SLC25A37: variants seen among roughly 807,000 people sequenced by gnomAD.
The protein encoded by SLC25A37 is solute carrier family 25 member 37, also known as mitoferrin-1.
Under a neutral mutation model 31.0 loss-of-function variants are expected in SLC25A37, and 17 were observed. The ratio of observed to expected loss-of-function variants is 0.55; its 90% CI spans 0.38 to 0.82. The LOEUF (loss-of-function observed/expected upper bound fraction) is 0.82, where lower values mean the gene tolerates loss of function less well. SLC25A37 is among the 40% of genes least tolerant of loss of function. SLC25A37 has a pLI of 0.00. For missense variants in SLC25A37, 404 were observed against 465.8 expected (o/e 0.87, Z 1.22); for synonymous variants, 222 against 193.0 (o/e 1.15, Z -1.24).
intron 1 of SLC25A37, among the ~76,000 whole-genome samples, chr8:23,537,369 C>G (rs760889964): frequency 5.9e-5 from 9 of 152,126 alleles, no homozygotes; most frequent in Non-Finnish European, 1.3e-4. Flanking sequence ...TGTTTATGGT[C>G]TCTCTTCCCT....
intron 1 of SLC25A37, among the ~76,000 whole-genome samples, chr8:23,558,536 G>A (rs753321965): frequency 1.1e-4 from 16 of 152,310 alleles, no homozygotes; most frequent in South Asian, 8.3e-4. Context: ...CCTCCTCCCC[G>A]CAGTGAGAGA....
In SLC25A37 at chr8:23,534,411, C is replaced by G. The variant is rs185777416; in HGVS notation, c.210+5199C>G. Among the ~76,000 whole-genome samples, 5 of 152,316 alleles carry G rather than the reference C, an allele frequency of 3.3e-5. No homozygotes were observed. In the East Asian group the frequency reaches 7.7e-4, roughly 23 times the overall value. ...GCAGGACACTTAGCTTCTTCATGTC[C>G]TTACTTGTCAAATGGGGATCCTGAT... On this transcript the variant is annotated intron_variant, in intron 1 of 3. Transcript: ENST00000519973.
At chr8:23,546,527 AGGTG>A (rs1468778634) in intron 1 of SLC25A37, among the ~76,000 whole-genome samples, 1 of 38,904 alleles carries the variant, frequency 2.6e-5, no homozygotes, top group Non-Finnish European at 3.8e-5. Flanking sequence ...ATATATATAT[AGGTG>A]TATATATATA....
chr8:23,557,517 C>A (rs915225845), intron 1 of SLC25A37, among the ~76,000 whole-genome samples: 1 of 152,076 alleles, frequency 6.6e-6, no homozygotes, highest in Non-Finnish European at 1.5e-5. Flanking sequence ...TGATTTGTGG[C>A]GTGGAGTTTC....
intron 1 of SLC25A37, among the ~76,000 whole-genome samples, chr8:23,562,320 C>T (rs749194172): frequency 4.6e-5 from 7 of 152,198 alleles, no homozygotes; most frequent in Non-Finnish European, 8.8e-5. Context: ...TGCGGTGACA[C>T]GTGAACTTTG....
At chr8:23,534,141 G>A (rs1801717018) in intron 1 of SLC25A37, among the ~76,000 whole-genome samples, 1 of 151,962 alleles carries the variant, frequency 6.6e-6, no homozygotes, top group African/African-American at 2.4e-5. Flanking sequence ...TTGTAGAGAT[G>A]GGGGCCTCAA....
At chr8:23,552,216 T>G (rs1802245943) in intron 1 of SLC25A37, among the ~76,000 whole-genome samples, 1 of 152,254 alleles carries the variant, frequency 6.6e-6, no homozygotes, top group South Asian at 2.1e-4. Context: ...GGGAATATAC[T>G]GGAGCCTTTC....
intron 1 of SLC25A37, among the ~76,000 whole-genome samples, chr8:23,546,410 A>T (rs1802038768): frequency 6.6e-6 from 1 of 151,334 alleles, no homozygotes; most frequent in Non-Finnish European, 1.5e-5. Context: ...AAGACTGGAG[A>T]TCTCTCTGTT....
Position 23,566,495 on chromosome 8 carries a change from C to T in SLC25A37, c.439+159C>T, listed in dbSNP as rs1009721739. The T allele has an allele frequency of 5.7e-6, 8 of 1,415,746 alleles. No individual in the cohort carries two copies. In the East Asian group the frequency reaches 1.4e-4, roughly 25 times the overall value. The allele number at this position is 1,415,746 out of a possible 1,614,324, so 87.7% of individuals were successfully genotyped here. On this transcript the variant is annotated intron_variant, in intron 2 of 3. Coordinates refer to ENST00000519973, the MANE Select transcript of SLC25A37 (RefSeq NM_016612.4). ...TGTGCAATGCACACCCAGACACACGCACGCACACACACGCGCGCGCACACA... is the reference window on the plus strand; with the variant it reads ...TGTGCAATGCACACCCAGACACACGTACGCACACACACGCGCGCGCACACA...
At chr8:23,560,525 C>T (rs1802488378) in intron 1 of SLC25A37, among the ~76,000 whole-genome samples, 2 of 152,214 alleles carry the variant, frequency 1.3e-5, no homozygotes, top group Admixed American at 1.3e-4. Flanking sequence ...GTGCCAACCT[C>T]AGTGGGTGCT....
intron 1 of SLC25A37, among the ~76,000 whole-genome samples, chr8:23,542,377 C>CTTTTT (rs59713954): frequency 0.21 from 24,358 of 117,376 alleles, 3,480 homozygotes; most frequent in African/African-American, 0.34. Flanking sequence ...TGTACTCCTA[C>CTTTTT]TTTTTTTTTT....
chr8:23,558,433 G>C (rs1050666388), intron 1 of SLC25A37, among the ~76,000 whole-genome samples: 1 of 152,182 alleles, frequency 6.6e-6, no homozygotes, highest in Admixed American at 6.5e-5. Flanking sequence ...AAAGGCAGGG[G>C]CTGGGCTGGA....
At chr8:23,566,865 C>T in intron 2 of SLC25A37, 1 of 975,972 alleles carries the variant, frequency 1.0e-6, no homozygotes, top group Non-Finnish European at 1.2e-6. Context: ...GAAGGCCTTT[C>T]CCACCTTAAG....
At chr8:23,530,990 A>G (rs761430325) in intron 1 of SLC25A37, among the ~76,000 whole-genome samples, 5 of 152,294 alleles carry the variant, frequency 3.3e-5, no homozygotes, top group South Asian at 2.1e-4. Context: ...TATACTTAGT[A>G]TTACTTTCCA....
chr8:23,573,999 AAGT>A lies in SLC25A37; in HGVS notation c.*2147_*2149del, dbSNP rs1465848275. On this transcript the variant is annotated 3_prime_UTR_variant, in exon 4 of 4. Coordinates refer to ENST00000519973, the MANE Select transcript of SLC25A37 (RefSeq NM_016612.4). ...GAAAAAAATCAAATTCTAAATTTCA[AAGT>A]AGAATTTAAAGCAAATTTGTAAAAA... The A allele has an allele frequency of 2.8e-6, 1 of 359,272 alleles. No individual in the cohort carries two copies. The highest frequency in any genetic ancestry group is 3.3e-5 in the Admixed American group (1 of 29,948). 22.3% of individuals were successfully genotyped at this position (359,272 alleles called of 1,614,324 possible).
chr8:23,560,005 G>A (rs904792877), intron 1 of SLC25A37, among the ~76,000 whole-genome samples: 2 of 152,174 alleles, frequency 1.3e-5, no homozygotes, highest in African/African-American at 4.8e-5. Flanking sequence ...CATTTTACAG[G>A]TAGTGGAGCT....
chr8:23,546,727 C>A (rs1245351043), intron 1 of SLC25A37, among the ~76,000 whole-genome samples: 1 of 150,828 alleles, frequency 6.6e-6, no homozygotes, highest in Non-Finnish European at 1.5e-5. Context: ...AATATCAGCT[C>A]AGAAATGACT....
rs369157470 is a variant in SLC25A37, at chr8:23,573,068, C to G, written c.*1213C>G. The G allele has an allele frequency of 1.3e-5, 2 of 152,250 alleles. No individual in the cohort carries two copies. Among genetic ancestry groups the G allele is most frequent in the Non-Finnish European group, 1.5e-5 (1 of 68,088 alleles). 9.4% of individuals were successfully genotyped at this position (152,250 alleles called of 1,614,324 possible). A position where few individuals can be genotyped will look rare whatever the true frequency, so the allele number is the denominator to read the frequency against. On this transcript the variant is annotated 3_prime_UTR_variant, in exon 4 of 4. Transcript: ENST00000519973. ...CCCTGTGCAGTCTAGGGAAGCATGT[C>G]TCCAGTCTTTGTCCCTGTCTTGTCC...
chr8:23,560,194 G>T (rs563395188), intron 1 of SLC25A37, among the ~76,000 whole-genome samples: 1 of 152,286 alleles, frequency 6.6e-6, no homozygotes, highest in South Asian at 2.1e-4. Flanking sequence ...CTTGAGCCCA[G>T]GAGGCTCAGG....
Sources: allele counts gnomAD v4.1 joint callset (sites outside exome capture counted in the v4.1 genomes callset), GRCh38; gene constraint gnomAD v4.1.1; transcripts MANE v1.5; gene names NCBI Gene and HGNC (gene_info 2026-07-23, HGNC 2026-07-21).